Variants in EYS observed in about 807,000 individuals in gnomAD.
The protein encoded by EYS is EGF-like photoreceptor maintenance factor.
In EYS, 250 loss-of-function variants were observed where a neutral mutation model predicts 282.1. The observed-to-expected ratio is 0.89, with a 90% confidence interval of 0.80 to 0.98. EYS has a LOEUF of 0.98. Among genes scored for constraint, EYS ranks in the 50% least tolerant of loss-of-function variants. The pLI is 0.00. For missense variants in EYS, 4,016 were observed against 3,709.0 expected (o/e 1.08, Z -2.15); for synonymous variants, 1,355 against 1,282.9 (o/e 1.06, Z -1.20).
rs113942108 is a variant in EYS at position 65,512,087 on chromosome 6, G to C, written c.-332-16094C>G. Among the ~76,000 whole-genome samples the C allele has an allele frequency of 5.8e-3, 877 of 150,760 alleles. 15 individuals are homozygous for C. The highest frequency in any genetic ancestry group is 0.02 in the African/African-American group (831 of 41,024). On this transcript the variant is annotated intron_variant, in intron 2 of 42. Coordinates refer to ENST00000503581, the MANE Select transcript of EYS (RefSeq NM_001142800.2). The stretch of plus-strand genomic sequence containing the variant: ...AAAACCCAGTGGCTAACTCTAATAA[G>C]TTGATCACCTTCAGGTTACCATTTC...
At chr6:64,305,022 T>G (rs1769385822) in intron 30 of EYS, among the ~76,000 whole-genome samples, 1 of 152,216 alleles carries the variant, frequency 6.6e-6, no homozygotes, top group East Asian at 1.9e-4. Context: ...ATAACAAAGT[T>G]GGTTGTTTGA....
At chr6:63,920,853 C>T (rs1009991056) in intron 35 of EYS, among the ~76,000 whole-genome samples, 1 of 152,004 alleles carries the variant, frequency 6.6e-6, no homozygotes, top group African/African-American at 2.4e-5. Flanking sequence ...TCAGATAAGG[C>T]CCTCACACCA....
At chr6:65,661,293 T>G (rs1313450915) in intron 1 of EYS, among the ~76,000 whole-genome samples, 1 of 151,906 alleles carries the variant, frequency 6.6e-6, no homozygotes, top group Non-Finnish European at 1.5e-5. Flanking sequence ...CCAGGCTATA[T>G]CAGAAGCAAA....
chr6:63,995,628 T>C (rs1453381738), intron 34 of EYS, among the ~76,000 whole-genome samples: 2 of 152,148 alleles, frequency 1.3e-5, no homozygotes, highest in Middle Eastern at 6.8e-3. Flanking sequence ...CATTGTAGCA[T>C]TATTTGCATT....
At chr6:64,256,841 A>G (rs1409654729) in intron 30 of EYS, among the ~76,000 whole-genome samples, 1 of 152,070 alleles carries the variant, frequency 6.6e-6, no homozygotes, top group Non-Finnish European at 1.5e-5. Context: ...AGGCAGAGAG[A>G]TCAAGATAAT....
intron 31 of EYS, among the ~76,000 whole-genome samples, chr6:64,130,077 C>G (rs1202799648): frequency 2.6e-5 from 4 of 152,154 alleles, no homozygotes; most frequent in East Asian, 1.9e-4. Context: ...GCCTCCAGCT[C>G]CTCAGGGATC....
intron 2 of EYS, among the ~76,000 whole-genome samples, chr6:65,612,029 CTTA>C (rs1365469999): frequency 6.6e-6 from 1 of 151,766 alleles, no homozygotes; most frequent in Admixed American, 6.6e-5. Context: ...CCTAACAATA[CTTA>C]TTATCTTAAC....
chr6:65,202,856 G>C (rs1467762140), intron 12 of EYS, among the ~76,000 whole-genome samples: 1 of 152,146 alleles, frequency 6.6e-6, no homozygotes, highest in East Asian at 1.9e-4. Flanking sequence ...CTTCCTCTGA[G>C]CCAGCTCTGT....
intron 33 of EYS, among the ~76,000 whole-genome samples, chr6:64,025,071 G>A (rs529545712): frequency 1.8e-4 from 28 of 152,260 alleles, no homozygotes; most frequent in Non-Finnish European, 1.2e-4. Context: ...ACCATCAGAC[G>A]CCTTTCACTT....
chr6:64,664,928 G>T (rs1258750952), intron 22 of EYS, among the ~76,000 whole-genome samples: 1 of 152,156 alleles, frequency 6.6e-6, no homozygotes, highest in Non-Finnish European at 1.5e-5. Flanking sequence ...ACCACAACAT[G>T]AAATGAGGTG....
intron 24 of EYS, among the ~76,000 whole-genome samples, chr6:64,616,228 C>T (rs907583695): frequency 5.9e-5 from 9 of 152,050 alleles, no homozygotes; most frequent in African/African-American, 2.2e-4. Flanking sequence ...ACTGACTCTT[C>T]GAGGAAGACA....
At chr6:65,470,266 T>C (rs184936629) in intron 5 of EYS, among the ~76,000 whole-genome samples, 66 of 152,294 alleles carry the variant, frequency 4.3e-4, no homozygotes, top group Non-Finnish European at 5.3e-4. Context: ...GAGCTTTCTT[T>C]TCTCTAATTA....
Position 64,498,028 on chromosome 6 carries a change from G to C in EYS, c.5645-58676C>G, listed in dbSNP as rs1776941340. Among the ~76,000 whole-genome samples the C allele has an allele frequency of 4.6e-5, 7 of 152,216 alleles. No individual in the cohort carries two copies. In the South Asian group the frequency reaches 1.2e-3, roughly 27 times the overall value. ...CATCTTGGGTATAGTTAGAGTTAAT[G>C]ATAAAGTATATTAAAACCAGACTCA... On this transcript the variant is annotated intron_variant, in intron 26 of 42. Coordinates refer to ENST00000503581, the MANE Select transcript of EYS (RefSeq NM_001142800.2).
At chr6:64,761,225 C>G (rs1238808337) in intron 22 of EYS, among the ~76,000 whole-genome samples, 1 of 152,118 alleles carries the variant, frequency 6.6e-6, no homozygotes, top group Non-Finnish European at 1.5e-5. Context: ...AAGACACTTA[C>G]CTTCTCAATC....
Position 64,094,964 on chromosome 6 carries a change from C to T in EYS, c.6425-12962G>A, listed in dbSNP as rs954573000. On this transcript the variant is annotated intron_variant, in intron 31 of 42. Coordinates refer to ENST00000503581, the MANE Select transcript of EYS (RefSeq NM_001142800.2). ...TTCTGGTATGTTGTGTCTTTGTTCTCGTTGGTTTCAAAGGACATCTTTATT... is the reference window on the plus strand; with the variant it reads ...TTCTGGTATGTTGTGTCTTTGTTCTTGTTGGTTTCAAAGGACATCTTTATT... Among the ~76,000 whole-genome samples, 7 of 152,166 alleles carry T rather than the reference C, an allele frequency of 4.6e-5. No homozygotes were observed. The Middle Eastern group carries it at 0.01, about 222-fold the overall frequency.
At chr6:64,439,501 T>G (rs370023892) in intron 26 of EYS, 149 bp from the exon 27 acceptor site, 1 of 484,134 alleles carries the variant, frequency 2.1e-6, no homozygotes, top group African/African-American at 2.0e-5. Flanking sequence ...TCCTTTGGAA[T>G]AGTCATGGCA....
At chr6:64,792,522 A>G (rs1245573973) in intron 22 of EYS, among the ~76,000 whole-genome samples, 1 of 152,042 alleles carries the variant, frequency 6.6e-6, no homozygotes, top group Non-Finnish European at 1.5e-5. Context: ...AGCTGTGAAG[A>G]GTTAATTTTT....
chr6:65,442,758 A>C (rs543611521), intron 5 of EYS, among the ~76,000 whole-genome samples: 1 of 146,708 alleles, frequency 6.8e-6, no homozygotes, highest in African/African-American at 2.4e-5. Flanking sequence ...CATCTCAAAA[A>C]ATAAAAATAA....
At chr6:64,848,179 T>G (rs1765774128) in intron 19 of EYS, among the ~76,000 whole-genome samples, 1 of 152,024 alleles carries the variant, frequency 6.6e-6, no homozygotes, top group Admixed American at 6.6e-5. Flanking sequence ...AAAATGATTT[T>G]GATTACGACA....
Sources: gnomAD v4.1 joint callset for allele counts (sites outside exome capture counted in the v4.1 genomes callset) on GRCh38, gnomAD v4.1.1 for gene constraint, MANE v1.5 for transcripts, NCBI Gene and HGNC (gene_info 2026-07-23, HGNC 2026-07-21) for gene names.